Variants in ROBO1 observed in about 807,000 individuals in gnomAD.
The protein encoded by ROBO1 is roundabout guidance receptor 1, also known as roundabout homolog 1.
A neutral mutation model predicts 195.9 loss-of-function variants in ROBO1; 149 were observed. The observed-to-expected ratio is 0.76, with a 90% CI of 0.67 to 0.87. ROBO1 has a LOEUF of 0.87. ROBO1 is among the 40% of genes least tolerant of loss of function. The pLI is 0.00. For synonymous variants in ROBO1, 816 were observed against 733.2 expected (o/e 1.11, Z -1.82); for missense variants, 1,933 against 2,068.3 (o/e 0.93, Z 1.27).
chr3:79,482,515 T>C (rs879559513), intron 2 of ROBO1, among the ~76,000 whole-genome samples: 4 of 152,190 alleles, frequency 2.6e-5, no homozygotes, highest in South Asian at 2.1e-4. Flanking sequence ...TTTACTCTTC[T>C]GCCATGATTG....
chr3:78,639,945 T>G, intron 21 of ROBO1, 47 bp from the exon 22 acceptor site: 15 of 1,315,782 alleles, frequency 1.1e-5, no homozygotes, highest in Non-Finnish European at 1.5e-5. Flanking sequence ...GAATAGAGAG[T>G]AATATTTTCT....
intron 2 of ROBO1, among the ~76,000 whole-genome samples, chr3:79,556,321 T>C (rs866084610): frequency 6.6e-6 from 1 of 152,122 alleles, no homozygotes; most frequent in African/African-American, 2.4e-5. Context: ...TGAATAAAAA[T>C]GTGTATCTGA....
intron 4 of ROBO1, among the ~76,000 whole-genome samples, chr3:78,891,676 GAAAATAATC>G (rs2036904165): frequency 6.6e-6 from 1 of 152,122 alleles, no homozygotes; most frequent in Admixed American, 6.5e-5. Context: ...AGCTGAAACT[GAAAATAATC>G]CAAGTGTCCG....
chr3:79,568,452 TAA>T (rs1294498607), intron 2 of ROBO1, among the ~76,000 whole-genome samples: 1 of 147,706 alleles, frequency 6.8e-6, no homozygotes, highest in Non-Finnish European at 1.5e-5. Flanking sequence ...TATTAATCCA[TAA>T]AGTTTCTCTT....
intron 2 of ROBO1, among the ~76,000 whole-genome samples, chr3:79,304,146 AAAG>A (rs1259300995): frequency 2.6e-5 from 4 of 152,342 alleles, no homozygotes; most frequent in African/African-American, 2.4e-5. Flanking sequence ...AATAAAAACA[AAAG>A]AAGCTCAAAT....
chr3:79,594,351 G>A (rs1156574446), intron 1 of ROBO1, among the ~76,000 whole-genome samples: 1 of 151,954 alleles, frequency 6.6e-6, no homozygotes, highest in Non-Finnish European at 1.5e-5. Context: ...GTTTTCCATG[G>A]ATGTGTACAT....
At chr3:78,771,214 G>T (rs1233897428) in intron 4 of ROBO1, among the ~76,000 whole-genome samples, 1 of 152,112 alleles carries the variant, frequency 6.6e-6, no homozygotes, top group Non-Finnish European at 1.5e-5. Context: ...GTAGGTGCAC[G>T]GCTTTATTTC....
chr3:79,041,211 T>C, intron 3 of ROBO1, among the ~76,000 whole-genome samples: 1 of 152,222 alleles, frequency 6.6e-6, no homozygotes, highest in East Asian at 1.9e-4. Flanking sequence ...CTTTCATTTA[T>C]ATAGCACTCG....
intron 4 of ROBO1, among the ~76,000 whole-genome samples, chr3:78,903,654 T>G (rs1026193595): frequency 6.6e-6 from 1 of 152,126 alleles, no homozygotes; most frequent in African/African-American, 2.4e-5. Context: ...TTCGACTTTA[T>G]GTAAGTGTGG....
intron 3 of ROBO1, among the ~76,000 whole-genome samples, chr3:79,050,286 CA>C (rs1329533941): frequency 1.3e-5 from 2 of 151,994 alleles, no homozygotes; most frequent in African/African-American, 4.8e-5. Context: ...CAACAAAGAT[CA>C]AAAGAGACAA....
chr3:79,096,058 T>C (rs2079560301), intron 3 of ROBO1, among the ~76,000 whole-genome samples: 1 of 152,090 alleles, frequency 6.6e-6, no homozygotes. Flanking sequence ...TTTACACACT[T>C]GGATAATGCA....
chr3:79,597,226 A>G (rs1944203779), intron 1 of ROBO1, among the ~76,000 whole-genome samples: 1 of 151,912 alleles, frequency 6.6e-6, no homozygotes, highest in African/African-American at 2.4e-5. Context: ...AGTTAACTCT[A>G]CTGATAATTT....
At chr3:78,957,535 C>A (rs1576466870) in intron 3 of ROBO1, among the ~76,000 whole-genome samples, 1 of 152,216 alleles carries the variant, frequency 6.6e-6, no homozygotes, top group East Asian at 1.9e-4. Flanking sequence ...CTGCATGCAA[C>A]ACGGTTACAA....
chr3:78,745,424 A>T (rs1162960770), intron 5 of ROBO1, among the ~76,000 whole-genome samples: 1 of 152,168 alleles, frequency 6.6e-6, no homozygotes, highest in East Asian at 1.9e-4. Context: ...TTGAATAAGT[A>T]AGGAAGGGAA....
chr3:79,348,938 AT>A (rs571799811), intron 2 of ROBO1, among the ~76,000 whole-genome samples: 5 of 152,214 alleles, frequency 3.3e-5, no homozygotes, highest in Admixed American at 6.6e-5. Flanking sequence ...CTAAAAAAAA[AT>A]CAATTGAATC....
intron 2 of ROBO1, among the ~76,000 whole-genome samples, chr3:79,221,171 A>G (rs1467336904): frequency 1.3e-5 from 2 of 152,064 alleles, no homozygotes; most frequent in African/African-American, 2.4e-5. Context: ...TTTTTCAGGC[A>G]GAGCAAATAG....
At chr3:79,027,370 C>T (rs916617390) in intron 3 of ROBO1, among the ~76,000 whole-genome samples, 3 of 152,020 alleles carry the variant, frequency 2.0e-5, no homozygotes, top group Non-Finnish European at 2.9e-5. Flanking sequence ...ATTGTCATAT[C>T]ACATATTATT....
intron 2 of ROBO1, among the ~76,000 whole-genome samples, chr3:79,428,537 C>G (rs2038544525): frequency 6.6e-6 from 1 of 152,068 alleles, no homozygotes; most frequent in Non-Finnish European, 1.5e-5. Context: ...AGCGGGAATG[C>G]AAAATGCTAA....
At chr3:79,655,747 G>C (rs947697886) in intron 1 of ROBO1, among the ~76,000 whole-genome samples, 2 of 151,928 alleles carry the variant, frequency 1.3e-5, no homozygotes, top group African/African-American at 4.8e-5. Context: ...AGTAAGCAAG[G>C]GAGTATGTCT....
Sources: allele counts gnomAD v4.1 joint callset (sites outside exome capture counted in the v4.1 genomes callset), GRCh38; gene constraint gnomAD v4.1.1; transcripts MANE v1.5; gene names NCBI Gene and HGNC (gene_info 2026-07-23, HGNC 2026-07-21).